The following DMXL1 variants were observed in gnomAD, a reference collection of about 807,000 sequenced individuals.
The protein encoded by DMXL1 is dmX-like protein 1.
Under a neutral mutation model 319.2 loss-of-function variants are expected in DMXL1, and 99 were observed. That is an observed-to-expected ratio of 0.31 (90% confidence interval 0.26 to 0.37). The LOEUF (loss-of-function observed/expected upper bound fraction) is 0.37. DMXL1 is among the 10% of genes least tolerant of loss of function. DMXL1 has a pLI of 1.00. For synonymous variants in DMXL1, 1,385 were observed against 1,235.2 expected (o/e 1.12, Z -2.54); for missense variants, 3,745 against 3,595.6 (o/e 1.04, Z -1.06).
intron 38 of DMXL1, among the ~76,000 whole-genome samples, chr5:119,232,536 C>T (rs771544211): frequency 9.2e-5 from 14 of 152,118 alleles, no homozygotes; most frequent in Non-Finnish European, 2.1e-4. Context: ...ATTTTCTACT[C>T]ACAACTGTCC....
intron 43 of DMXL1, among the ~76,000 whole-genome samples, chr5:119,245,603 G>A (rs1338748393): frequency 2.0e-5 from 3 of 148,768 alleles, no homozygotes; most frequent in South Asian, 4.3e-4. Context: ...ACAGTGGCAC[G>A]ATCTCGGCTC....
intron 39 of DMXL1, among the ~76,000 whole-genome samples, chr5:119,235,671 A>G (rs1196061353): frequency 1.3e-5 from 2 of 152,148 alleles, no homozygotes; most frequent in Non-Finnish European, 2.9e-5. Context: ...TTTGGTTTTT[A>G]GAGTTAAAGA....
At chr5:119,214,521 A>C (rs571912960) in intron 34 of DMXL1, among the ~76,000 whole-genome samples, 1 of 152,342 alleles carries the variant, frequency 6.6e-6, no homozygotes, top group East Asian at 1.9e-4. Context: ...AAGGCCCTGC[A>C]AGAACTGAAC....
chr5:119,106,212 A>T (rs1758310163), intron 4 of DMXL1, among the ~76,000 whole-genome samples: 6 of 152,200 alleles, frequency 3.9e-5, no homozygotes, highest in Admixed American at 3.9e-4. Context: ...GTAGCAGGGC[A>T]GCCTGGATTT....
intron 8 of DMXL1, 56 bp from the exon 9 acceptor site, chr5:119,120,915 C>A: frequency 7.1e-7 from 1 of 1,402,018 alleles, no homozygotes; most frequent in Non-Finnish European, 9.7e-7. Flanking sequence ...ATTATATAAC[C>A]TATACGTGTA....
At position 119,092,579 on chromosome 5, in the gene DMXL1, C is replaced by T. The variant is rs1755027552; in HGVS notation, c.88-5400C>T. Among the ~76,000 whole-genome samples the T allele has an allele frequency of 3.9e-5, 6 of 152,066 alleles. No homozygotes were observed. The South Asian group carries it at 1.2e-3, about 32-fold the overall frequency. On this transcript the variant is annotated intron_variant, in intron 1 of 43. Transcript: ENST00000539542. The stretch of plus-strand genomic sequence containing the variant: ...TTTAGTGTATTAACAATGTGTATTA[C>T]CACAATCTGATTATAGAACATTTTC...
chr5:119,194,096 T>A, intron 30 of DMXL1, 126 bp downstream of exon 30: 1 of 612,608 alleles, frequency 1.6e-6, no homozygotes. Flanking sequence ...CCAGATTTCT[T>A]TAGTTGAAAT....
At chr5:119,147,222 T>G in intron 16 of DMXL1, 27 bp from the exon 17 acceptor site, 3 of 1,592,048 alleles carry the variant, frequency 1.9e-6, no homozygotes, top group Non-Finnish European at 2.6e-6. Flanking sequence ...CTGCCTCAGT[T>G]TTTGGTTCTT....
chr5:119,244,600 A>G, intron 43 of DMXL1, 24 bp downstream of exon 43: 1 of 1,565,466 alleles, frequency 6.4e-7, no homozygotes, highest in South Asian at 1.1e-5. Flanking sequence ...ATGCCACAAC[A>G]TCTACAAAAT....
chr5:119,216,872 A>C (rs376401947), intron 34 of DMXL1, 29 bp from the exon 35 acceptor site: 2 of 1,269,522 alleles, frequency 1.6e-6, no homozygotes, highest in African/African-American at 2.9e-5. Context: ...AAATCAGTGC[A>C]TTTTTGTGTT....
chr5:119,093,206 C>T (rs756829075), intron 1 of DMXL1, among the ~76,000 whole-genome samples: 1 of 152,074 alleles, frequency 6.6e-6, no homozygotes, highest in Non-Finnish European at 1.5e-5. Flanking sequence ...TATTTTTGAA[C>T]AGAGTCTTGC....
intron 4 of DMXL1, among the ~76,000 whole-genome samples, chr5:119,106,893 G>A (rs1454484427): frequency 1.3e-5 from 2 of 152,218 alleles, no homozygotes; most frequent in Non-Finnish European, 2.9e-5. Flanking sequence ...AACTGGATTT[G>A]AAATTACTTT....
intron 23 of DMXL1, among the ~76,000 whole-genome samples, chr5:119,168,088 T>C (rs12520260): frequency 0.17 from 26,424 of 152,158 alleles, 3,067 homozygotes; most frequent in East Asian, 0.39. Context: ...ACATAAATAT[T>C]GAACATAAAT....
At chr5:119,145,135 A>T (rs4380699) in intron 15 of DMXL1, among the ~76,000 whole-genome samples, 36,543 of 151,678 alleles carry the variant, frequency 0.24, 5,132 homozygotes, top group Non-Finnish European at 0.33. Flanking sequence ...CTTGGTCATC[A>T]CTTGCGATTA....
rs1790156061 is a variant in DMXL1, at chr5:119,248,970, A to G, written c.*1751A>G. On this transcript the variant is annotated 3_prime_UTR_variant, in exon 44 of 44. Coordinates refer to ENST00000539542, the MANE Select transcript of DMXL1 (RefSeq NM_001290321.3). Reference sequence around the variant, plus strand: ...CAGCTTTAAACACTTCCAATGAGATAAAATATTTACTATTATGCTTATTAG... The same window carrying G: ...CAGCTTTAAACACTTCCAATGAGATGAAATATTTACTATTATGCTTATTAG... 1 of 152,594 alleles carries G rather than the reference A, an allele frequency of 6.6e-6. No homozygotes were observed. Among genetic ancestry groups the G allele is most frequent in the Admixed American group, 6.5e-5 (1 of 15,282 alleles). The allele number at this position is 152,594 out of a possible 1,614,324, so 9.5% of individuals were successfully genotyped here.
intron 31 of DMXL1, among the ~76,000 whole-genome samples, chr5:119,197,311 T>C (rs565342209): frequency 1.3e-4 from 20 of 152,244 alleles, no homozygotes; most frequent in African/African-American, 4.6e-4. Context: ...ATACTAACAA[T>C]AGATGATGAG....
At chr5:119,226,370 T>G (rs569192096) in intron 38 of DMXL1, among the ~76,000 whole-genome samples, 1 of 152,186 alleles carries the variant, frequency 6.6e-6, no homozygotes, top group African/African-American at 2.4e-5. Flanking sequence ...TTTAAAAATA[T>G]TAGTCTGAAG....
chr5:119,126,331 G>A (rs991448258), intron 9 of DMXL1, among the ~76,000 whole-genome samples: 2 of 152,106 alleles, frequency 1.3e-5, no homozygotes, highest in Non-Finnish European at 2.9e-5. Context: ...TGTATGTGCT[G>A]CATTGAATGG....
rs142190015 is a variant in DMXL1, at chr5:119,188,986, T to C, written c.7136-722T>C. On this transcript the variant is annotated intron_variant, in intron 28 of 43. Coordinates refer to ENST00000539542, the MANE Select transcript of DMXL1 (RefSeq NM_001290321.3). The stretch of plus-strand genomic sequence containing the variant: ...CTGTGTATTAGATCATGCCTTTGTC[T>C]GCAAAATCCTTGATTGTCTACTGAT... Among the ~76,000 whole-genome samples the C allele has an allele frequency of 5.6e-3, 856 of 152,334 alleles. 9 individuals are homozygous for C. The highest frequency in any genetic ancestry group is 0.02 in the African/African-American group (823 of 41,580).
Sources: allele counts gnomAD v4.1 joint callset (sites outside exome capture counted in the v4.1 genomes callset), GRCh38; gene constraint gnomAD v4.1.1; transcripts MANE v1.5; gene names NCBI Gene and HGNC (gene_info 2026-07-23, HGNC 2026-07-21).